Variants in PCDHGA1 observed in about 807,000 individuals in gnomAD.
PCDHGA1 encodes protocadherin gamma-A1.
PCDHGA1 carries 32 observed loss-of-function variants against 58.0 expected under a neutral mutation model. The ratio of observed to expected loss-of-function variants is 0.55; its 90% confidence interval spans 0.42 to 0.74. PCDHGA1 has a LOEUF of 0.74. Among genes scored for constraint, PCDHGA1 ranks in the 30% least tolerant of loss-of-function variants. The pLI is 0.00. For synonymous variants in PCDHGA1, 498 were observed against 501.1 expected (o/e 0.99, Z 0.08); for missense variants, 1,205 against 1,182.3 (o/e 1.02, Z -0.28).
At chr5:141,350,920 C>T (rs1280314926) in intron 1 of PCDHGA1, 1 of 1,614,042 alleles carries the variant, frequency 6.2e-7, no homozygotes, top group South Asian at 1.1e-5. Context: ...CGCCTCTAAG[C>T]GGCACCACCC....
Position 141,489,552 on chromosome 5 carries a change from G to T in PCDHGA1, c.2422-5255G>T, listed in dbSNP as rs2099688780. ...GTGGAGCCAGCACCAGCTGCCTGCTGCCAGTGCAGGTGGTGACTGAACACC... is the reference window on the plus strand; with the variant it reads ...GTGGAGCCAGCACCAGCTGCCTGCTTCCAGTGCAGGTGGTGACTGAACACC... On this transcript the variant is annotated intron_variant, in intron 1 of 3. Coordinates refer to ENST00000517417, the MANE Select transcript of PCDHGA1 (RefSeq NM_018912.3). The surrounding 1 kb of genome is among the most constrained non-coding windows in gnomAD (Gnocchi z 4.5). The T allele has an allele frequency of 6.2e-7, 1 of 1,613,988 alleles. No homozygotes were observed. The highest frequency in any genetic ancestry group is 1.7e-5 in the Admixed American group (1 of 60,000).
In PCDHGA1 at chr5:141,431,887, T is replaced by C; in HGVS notation, c.2422-62920T>C. The C allele has an allele frequency of 1.2e-6, 2 of 1,614,190 alleles. No individual in the cohort carries two copies. The highest frequency in any genetic ancestry group is 1.7e-6 in the Non-Finnish European group (2 of 1,179,996). ...TTTTAAATGTAAATGACCAAGATTCTGAGGAAAACGGACAGGTGATCTGTT... is the reference window on the plus strand; with the variant it reads ...TTTTAAATGTAAATGACCAAGATTCCGAGGAAAACGGACAGGTGATCTGTT... On this transcript the variant is annotated intron_variant, in intron 1 of 3. Coordinates refer to ENST00000517417, the MANE Select transcript of PCDHGA1 (RefSeq NM_018912.3). The surrounding 1 kb of genome is among the most constrained non-coding windows in gnomAD (Gnocchi z 4.8).
At chr5:141,388,536 G>A (rs1262935958) in intron 1 of PCDHGA1, 1 of 1,613,716 alleles carries the variant, frequency 6.2e-7, no homozygotes, top group Non-Finnish European at 8.5e-7. Context: ...CTTGGACTTT[G>A]GAGCTCCACC....
At chr5:141,417,656 G>A (rs1561768422) in intron 1 of PCDHGA1, 1 of 854,026 alleles carries the variant, frequency 1.2e-6, no homozygotes, top group Non-Finnish European at 1.7e-6. Context: ...CCTCTAGCCT[G>A]GGATTCCCTG....
chr5:141,498,848 G>A (rs930895553), intron 2 of PCDHGA1, among the ~76,000 whole-genome samples: 3 of 151,908 alleles, frequency 2.0e-5, no homozygotes, highest in Non-Finnish European at 4.4e-5. Context: ...CAGGGGAATC[G>A]CTTGAACCCA....
chr5:141,502,173 T>C (rs1377892969), intron 2 of PCDHGA1, among the ~76,000 whole-genome samples: 2 of 152,178 alleles, frequency 1.3e-5, no homozygotes, highest in African/African-American at 4.8e-5. Flanking sequence ...AGTTGAGGAA[T>C]TTAACATTAA....
intron 1 of PCDHGA1, among the ~76,000 whole-genome samples, chr5:141,465,130 AAG>A (rs1277023430): frequency 2.6e-5 from 4 of 151,968 alleles, no homozygotes; most frequent in Non-Finnish European, 5.9e-5. Flanking sequence ...AATTTGTAAA[AAG>A]TTTAGGGGAT....
chr5:141,474,153 A>G (rs1424442765), intron 1 of PCDHGA1, among the ~76,000 whole-genome samples: 3 of 152,254 alleles, frequency 2.0e-5, no homozygotes, highest in Non-Finnish European at 4.4e-5. Flanking sequence ...TATCAAGAAA[A>G]TGACAGGCCT....
intron 3 of PCDHGA1, among the ~76,000 whole-genome samples, chr5:141,509,596 G>A (rs538867815): frequency 1.3e-5 from 2 of 152,258 alleles, no homozygotes; most frequent in Admixed American, 6.5e-5. Context: ...TGGCAATTCC[G>A]AGAGGCTGCA....
intron 2 of PCDHGA1, among the ~76,000 whole-genome samples, chr5:141,503,963 C>T (rs900066192): frequency 7.2e-5 from 11 of 152,188 alleles, no homozygotes; most frequent in Admixed American, 6.5e-4. Flanking sequence ...ACAGCCTTTC[C>T]CATGGTGCCA....
At chr5:141,353,964 AC>A (rs1297694679) in intron 1 of PCDHGA1, among the ~76,000 whole-genome samples, 1 of 152,224 alleles carries the variant, frequency 6.6e-6, no homozygotes, top group Non-Finnish European at 1.5e-5. Context: ...AAGCTTAAGA[AC>A]TGATGTACTG....
At chr5:141,374,010 T>A in intron 1 of PCDHGA1, 1 of 1,364,772 alleles carries the variant, frequency 7.3e-7, no homozygotes, top group Non-Finnish European at 9.6e-7. Flanking sequence ...CACCGCTATT[T>A]CTGAGAAGAG....
rs146569254 is a variant in PCDHGA1 at position 141,351,100 on chromosome 5, T to C, written c.2421+17995T>C. The C allele has an allele frequency of 6.9e-4, 1,108 of 1,614,070 alleles. 2 individuals carry two copies. In the Middle Eastern group the frequency reaches 0.017, roughly 25 times the overall value. ...CAGAGATCACCTATGCCTTCCTCAA[T>C]TCCCCAATAAGTACCAGCCTCTTCA... On this transcript the variant is annotated intron_variant, in intron 1 of 3. Transcript: ENST00000517417.
At chr5:141,387,610 T>A in intron 1 of PCDHGA1, 2 of 558,176 alleles carry the variant, frequency 3.6e-6, no homozygotes, top group East Asian at 3.0e-5. Flanking sequence ...AGGCTGTAGT[T>A]TCCTAGTGCT....
intron 1 of PCDHGA1, chr5:141,418,535 G>A: frequency 6.2e-7 from 1 of 1,614,002 alleles, no homozygotes. Context: ...AAGCGGTACT[G>A]CTCAGATAAG....
intron 1 of PCDHGA1, chr5:141,382,981 GC>G (rs1247248869): frequency 6.2e-7 from 1 of 1,612,206 alleles, no homozygotes; most frequent in African/African-American, 1.3e-5. Flanking sequence ...GGAAGCCTGG[GC>G]AGGACGTATT....
chr5:141,399,944 A>C, intron 1 of PCDHGA1: 1 of 1,612,254 alleles, frequency 6.2e-7, no homozygotes, highest in Non-Finnish European at 8.5e-7. Context: ...CACGTGCTGC[A>C]GGCTAGCGAG....
At chr5:141,398,764 A>G in intron 1 of PCDHGA1, 2 of 1,613,924 alleles carry the variant, frequency 1.2e-6, no homozygotes, top group East Asian at 4.5e-5. Context: ...TTTAGTCCTG[A>G]CTGCCTTGGA....
chr5:141,378,924 G>A (rs1426450881), intron 1 of PCDHGA1: 5 of 152,202 alleles, frequency 3.3e-5, no homozygotes, highest in African/African-American at 1.2e-4. Flanking sequence ...TCAAAAGTAA[G>A]TTGATGGCCC....
Sources: allele counts gnomAD v4.1 joint callset (sites outside exome capture counted in the v4.1 genomes callset), GRCh38; gene constraint gnomAD v4.1.1; non-coding constraint Gnocchi (gnomAD v3.1); transcripts MANE v1.5; gene names NCBI Gene and HGNC (gene_info 2026-07-23, HGNC 2026-07-21).